The following PRKG2 variants were observed in gnomAD, a reference collection of about 807,000 sequenced individuals.
The protein encoded by PRKG2 is cGMP-dependent protein kinase 2.
In PRKG2, 33 loss-of-function variants were observed where a neutral mutation model predicts 97.2. That is an observed-to-expected ratio of 0.34 (90% CI 0.26 to 0.45). The LOEUF (loss-of-function observed/expected upper bound fraction) is 0.45. PRKG2 is among the 20% of genes least tolerant of loss of function. The pLI, the probability that PRKG2 is intolerant of heterozygous loss-of-function variation, is 1.00. For synonymous variants in PRKG2, 330 were observed against 321.8 expected (o/e 1.03, Z -0.27); for missense variants, 638 against 900.0 (o/e 0.71, Z 3.73).
intron 2 of PRKG2, among the ~76,000 whole-genome samples, chr4:81,196,119 A>G (rs1262628809): frequency 1.3e-5 from 2 of 152,198 alleles, no homozygotes; most frequent in Non-Finnish European, 2.9e-5. Flanking sequence ...AACTCTAGGC[A>G]GCCTCTAGGA....
chr4:81,192,362 T>C (rs888483344), intron 2 of PRKG2: 1 of 152,208 alleles, frequency 6.6e-6, no homozygotes, highest in Non-Finnish European at 1.5e-5. Context: ...TAGTAATGTT[T>C]ATTTTCTGAT....
In PRKG2 at chr4:81,140,689, A is replaced by G; in HGVS notation, c.1408-20T>C. On this transcript the variant is annotated intron_variant, in intron 11 of 18. Coordinates refer to ENST00000264399, the MANE Select transcript of PRKG2 (RefSeq NM_006259.3). Reference sequence around the variant, plus strand: ...TTTAACCTATGTAAGAAATGGAAAGATACCTCAAAATTAACTTATATCTAT... The same window carrying G: ...TTTAACCTATGTAAGAAATGGAAAGGTACCTCAAAATTAACTTATATCTAT... The G allele has an allele frequency of 6.3e-7, 1 of 1,580,822 alleles. No individual in the cohort carries two copies. The highest frequency in any genetic ancestry group is 8.7e-7 in the Non-Finnish European group (1 of 1,151,240).
intron 14 of PRKG2, among the ~76,000 whole-genome samples, chr4:81,115,067 C>T (rs1275814987): frequency 6.6e-6 from 1 of 151,960 alleles, no homozygotes; most frequent in African/African-American, 2.4e-5. Context: ...TATTTCCAAT[C>T]GTGTATTATT....
At chr4:81,138,892 C>G (rs1424032993) in intron 12 of PRKG2, among the ~76,000 whole-genome samples, 1 of 152,040 alleles carries the variant, frequency 6.6e-6, no homozygotes, top group African/African-American at 2.4e-5. Flanking sequence ...GCCAGCACTG[C>G]CTGGGTTCAA....
At chr4:81,103,625 T>TA (rs1259604339) in intron 17 of PRKG2, among the ~76,000 whole-genome samples, 1 of 152,194 alleles carries the variant, frequency 6.6e-6, no homozygotes, top group Non-Finnish European at 1.5e-5. Flanking sequence ...AACAACAATG[T>TA]TATCTTCTTT....
intron 1 of PRKG2, among the ~76,000 whole-genome samples, chr4:81,207,122 T>C (rs919805737): frequency 6.6e-6 from 1 of 152,204 alleles, no homozygotes; most frequent in Admixed American, 6.5e-5. Context: ...GACATACTTG[T>C]ACCTTGAATA....
At chr4:81,196,608 C>T (rs528831719) in intron 2 of PRKG2, among the ~76,000 whole-genome samples, 8 of 152,202 alleles carry the variant, frequency 5.3e-5, no homozygotes, top group South Asian at 4.1e-4. Flanking sequence ...CATTTAAACA[C>T]CTGCTTGAAA....
intron 14 of PRKG2, among the ~76,000 whole-genome samples, chr4:81,115,956 G>A (rs1240115771): frequency 1.3e-5 from 2 of 152,014 alleles, no homozygotes; most frequent in Non-Finnish European, 2.9e-5. Flanking sequence ...TATGTTTCTG[G>A]TATTTAAAAA....
intron 13 of PRKG2, among the ~76,000 whole-genome samples, chr4:81,136,707 T>G (rs949328965): frequency 2.0e-5 from 3 of 152,196 alleles, no homozygotes; most frequent in Non-Finnish European, 4.4e-5. Flanking sequence ...GAGCTCACCA[T>G]CTACGACACT....
chr4:81,185,449 G>A (rs1251935587), intron 2 of PRKG2, among the ~76,000 whole-genome samples: 1 of 152,130 alleles, frequency 6.6e-6, no homozygotes, highest in Admixed American at 6.5e-5. Context: ...TCACCACCAG[G>A]CCTGCCTTAC....
rs6825693 is a variant in PRKG2 at position 81,172,882 on chromosome 4, T to A, written c.629-1078A>T. Among the ~76,000 whole-genome samples, 570 of 152,202 alleles carry A rather than the reference T, an allele frequency of 3.7e-3. 4 individuals are homozygous for A. Among genetic ancestry groups the A allele is most frequent in the African/African-American group, 0.013 (538 of 41,530 alleles). On this transcript the variant is annotated intron_variant, in intron 3 of 18. Transcript: ENST00000264399. ...GCCATAGAGAGGACAAAAGAGAAGA[T>A]ATCCTTAGCCTGATAGAATTTATAC... is the stretch of plus-strand genomic sequence containing the variant.
intron 3 of PRKG2, among the ~76,000 whole-genome samples, chr4:81,173,526 T>A (rs1220565082): frequency 6.6e-6 from 1 of 152,102 alleles, no homozygotes; most frequent in Non-Finnish European, 1.5e-5. Flanking sequence ...AAGAGAAAAG[T>A]TGCAAGAGGG....
intron 2 of PRKG2, among the ~76,000 whole-genome samples, chr4:81,183,616 G>A (rs541907793): frequency 7.3e-5 from 11 of 151,550 alleles, no homozygotes; most frequent in East Asian, 3.9e-4. Flanking sequence ...TCATACCCCC[G>A]TGGTGCCTGG....
intron 6 of PRKG2, among the ~76,000 whole-genome samples, chr4:81,165,523 G>T (rs1050121692): frequency 2.6e-5 from 4 of 152,188 alleles, no homozygotes; most frequent in African/African-American, 9.6e-5. Flanking sequence ...AAGCTATGCT[G>T]GTAAATCACA....
chr4:81,125,677 G>A (rs1257873818), intron 14 of PRKG2, among the ~76,000 whole-genome samples: 1 of 152,162 alleles, frequency 6.6e-6, no homozygotes, highest in Non-Finnish European at 1.5e-5. Context: ...TTGACTCAAT[G>A]AAAAACTGAC....
intron 14 of PRKG2, among the ~76,000 whole-genome samples, chr4:81,126,627 GTGA>G (rs1432298261): frequency 6.6e-6 from 1 of 152,198 alleles, no homozygotes; most frequent in African/African-American, 2.4e-5. Context: ...CTAATGACCA[GTGA>G]TGATGAGCTT....
chr4:81,188,009 A>G (rs1752042186), intron 2 of PRKG2, among the ~76,000 whole-genome samples: 1 of 152,224 alleles, frequency 6.6e-6, no homozygotes, highest in South Asian at 2.1e-4. Flanking sequence ...AACAAAAGCC[A>G]AAATTGATAA....
Position 81,089,660 on chromosome 4 carries a change from T to C in PRKG2, c.*48A>G. 7.5e-7 allele frequency: 1 copy of C among 1,336,542 alleles called. No individual in the cohort carries two copies. The highest frequency in any genetic ancestry group is 1.1e-6 in the Non-Finnish European group (1 of 939,676). 82.8% of individuals were successfully genotyped at this position (1,336,542 alleles called of 1,614,324 possible). ...AAATAATGTGTTGGATTATTGATCCTTGAGGTCCTCTTCTGTAGAGTACAG... is the reference window on the plus strand; with the variant it reads ...AAATAATGTGTTGGATTATTGATCCCTGAGGTCCTCTTCTGTAGAGTACAG... On this transcript the variant is annotated 3_prime_UTR_variant, in exon 19 of 19. Transcript: ENST00000264399.
intron 2 of PRKG2, among the ~76,000 whole-genome samples, chr4:81,175,791 T>A (rs1750870328): frequency 6.6e-6 from 1 of 152,190 alleles, no homozygotes; most frequent in Admixed American, 6.5e-5. Context: ...AGCTACCCAA[T>A]CTTCATTAAC....
Sources: allele counts gnomAD v4.1 joint callset (sites outside exome capture counted in the v4.1 genomes callset), GRCh38; gene constraint gnomAD v4.1.1; transcripts MANE v1.5; gene names NCBI Gene and HGNC (gene_info 2026-07-23, HGNC 2026-07-21).